Variants in CPNE8 observed in about 807,000 individuals in gnomAD.
The protein encoded by CPNE8 is copine-8.
A neutral mutation model predicts 81.5 loss-of-function variants in CPNE8; 45 were observed. The observed-to-expected ratio is 0.55, with a 90% confidence interval of 0.44 to 0.71. The LOEUF (loss-of-function observed/expected upper bound fraction) is 0.71. Ranked by LOEUF, CPNE8 falls within the 30% of genes least tolerant of loss-of-function variation. The probability of loss-of-function intolerance (pLI) is 0.00; values close to 1 mark genes in which losing one functional copy is unlikely to be tolerated. For missense variants in CPNE8, 594 were observed against 672.1 expected, an observed-to-expected ratio of 0.88 and a Z score of 1.28; for synonymous variants, 252 against 226.3, an observed-to-expected ratio of 1.11 and a Z score of -1.02.
intron 13 of CPNE8, among the ~76,000 whole-genome samples, chr12:38,712,653 T>A (rs1940288797): frequency 2.0e-5 from 3 of 152,214 alleles, no homozygotes; most frequent in African/African-American, 7.2e-5. Flanking sequence ...CCAAAATAAG[T>A]AGTATCAAGA....
chr12:38,749,113 T>C (rs1352506332), intron 10 of CPNE8, among the ~76,000 whole-genome samples: 1 of 152,108 alleles, frequency 6.6e-6, no homozygotes, highest in Non-Finnish European at 1.5e-5. Context: ...GGGCGGGTCT[T>C]TCTCATGTTG....
chr12:38,779,933 G>A (rs1275225065), intron 6 of CPNE8, among the ~76,000 whole-genome samples: 2 of 152,070 alleles, frequency 1.3e-5, no homozygotes, highest in East Asian at 3.8e-4. Flanking sequence ...AAATAAGCAA[G>A]AATATTTGGA....
At chr12:38,881,826 C>T (rs1944162950) in intron 1 of CPNE8, among the ~76,000 whole-genome samples, 1 of 152,002 alleles carries the variant, frequency 6.6e-6, no homozygotes, top group East Asian at 1.9e-4. Flanking sequence ...CAGGGTAATG[C>T]AAGCTTTCAG....
At chr12:38,766,404 T>C (rs1941690839) in intron 8 of CPNE8, among the ~76,000 whole-genome samples, 1 of 152,208 alleles carries the variant, frequency 6.6e-6, no homozygotes. Flanking sequence ...TTCTTCACTC[T>C]GCAACATTTT....
chr12:38,702,988 T>G (rs565355199), intron 13 of CPNE8, 67 bp from the exon 14 acceptor site: 1 of 1,117,420 alleles, frequency 8.9e-7, no homozygotes, highest in East Asian at 2.5e-5. Flanking sequence ...TCTTTTCCAT[T>G]TCGGTTATAT....
At chr12:38,808,127 A>G (rs1942856895) in intron 6 of CPNE8, among the ~76,000 whole-genome samples, 2 of 152,066 alleles carry the variant, frequency 1.3e-5, no homozygotes, top group South Asian at 4.2e-4. Context: ...GGATGTGGAG[A>G]AATAGGAACA....
chr12:38,799,266 C>T (rs570122271), intron 6 of CPNE8, among the ~76,000 whole-genome samples: 3 of 152,174 alleles, frequency 2.0e-5, no homozygotes, highest in South Asian at 2.1e-4. Flanking sequence ...GCACACCACA[C>T]CTATTCCAAA....
chr12:38,878,065 C>T (rs1398989296), intron 1 of CPNE8, among the ~76,000 whole-genome samples: 1 of 152,148 alleles, frequency 6.6e-6, no homozygotes, highest in African/African-American at 2.4e-5. Context: ...TTTACAAATG[C>T]CATGGCAACA....
chr12:38,905,847 G>A (rs896458713), upstream of CPNE8: 8 of 985,242 alleles, frequency 8.1e-6, no homozygotes, highest in Non-Finnish European at 9.6e-6. Context: ...CCTGGCTGGA[G>A]GGGTCAGGCT....
intron 7 of CPNE8, among the ~76,000 whole-genome samples, chr12:38,775,831 G>A (rs1941922053): frequency 6.6e-6 from 1 of 152,016 alleles, no homozygotes; most frequent in Non-Finnish European, 1.5e-5. Context: ...AGAAAAATTG[G>A]GGAAAATATC....
intron 7 of CPNE8, among the ~76,000 whole-genome samples, chr12:38,773,741 C>T (rs1292674361): frequency 6.6e-6 from 1 of 151,602 alleles, no homozygotes; most frequent in Non-Finnish European, 1.5e-5. Flanking sequence ...TTTAATGTTC[C>T]CTAAAGTATA....
chr12:38,711,137 G>A (rs566161973), intron 13 of CPNE8, among the ~76,000 whole-genome samples: 2 of 152,238 alleles, frequency 1.3e-5, no homozygotes, highest in South Asian at 2.1e-4. Context: ...TCATCAGGAG[G>A]AAAATATTTA....
chr12:38,841,091 C>T (rs1490986969), intron 4 of CPNE8, among the ~76,000 whole-genome samples: 1 of 152,052 alleles, frequency 6.6e-6, no homozygotes, highest in African/African-American at 2.4e-5. Flanking sequence ...ACTGAGTATA[C>T]GGATGCTAGG....
At chr12:38,816,547 A>G (rs1353704220) in intron 6 of CPNE8, among the ~76,000 whole-genome samples, 1 of 152,190 alleles carries the variant, frequency 6.6e-6, no homozygotes, top group Non-Finnish European at 1.5e-5. Flanking sequence ...TGTTTAGCAG[A>G]CCTGCTTAAG....
chr12:38,760,921 C>T (rs1185492480), intron 9 of CPNE8, 33 bp from the exon 10 acceptor site: 2 of 1,475,168 alleles, frequency 1.4e-6, no homozygotes, highest in South Asian at 1.2e-5. Flanking sequence ...CATAAAGTTA[C>T]TTAGTAAGAT....
At chr12:38,711,537 C>T (rs1392839208) in intron 13 of CPNE8, among the ~76,000 whole-genome samples, 3 of 150,934 alleles carry the variant, frequency 2.0e-5, no homozygotes, top group African/African-American at 4.9e-5. Flanking sequence ...GGCGCAATCT[C>T]GGCTCACTGC....
upstream of CPNE8, chr12:38,906,725 T>A: frequency 7.9e-6 from 4 of 506,290 alleles, no homozygotes; most frequent in Non-Finnish European, 1.0e-5. Flanking sequence ...TGCAGGGACC[T>A]TTGTTCCCCG....
intron 16 of CPNE8, among the ~76,000 whole-genome samples, chr12:38,684,825 T>G (rs77437603): frequency 6.6e-6 from 1 of 152,178 alleles, no homozygotes; most frequent in Non-Finnish European, 1.5e-5. Flanking sequence ...AGGATTTACA[T>G]AGGCCAAACT....
intron 10 of CPNE8, among the ~76,000 whole-genome samples, chr12:38,746,912 T>C (rs1330566488): frequency 2.0e-5 from 3 of 152,226 alleles, no homozygotes; most frequent in Non-Finnish European, 4.4e-5. Flanking sequence ...AAATGTAATG[T>C]ATCTTAATTA....
Sources: gnomAD v4.1 joint callset for allele counts (sites outside exome capture counted in the v4.1 genomes callset) on GRCh38, gnomAD v4.1.1 for gene constraint, MANE v1.5 for transcripts, NCBI Gene and HGNC (gene_info 2026-07-23, HGNC 2026-07-21) for gene names.